Variants in IL1RAPL1 observed in about 807,000 individuals in gnomAD.
IL1RAPL1 encodes interleukin-1 receptor accessory protein-like 1.
Under a neutral mutation model 48.4 loss-of-function variants are expected in IL1RAPL1, and 3 were observed. The ratio of observed to expected loss-of-function variants is 0.06; its 90% CI spans 0.03 to 0.16. The LOEUF is 0.16. Ranked by LOEUF, IL1RAPL1 falls within the 10% of genes least tolerant of loss-of-function variation. The pLI is 1.00. For synonymous variants in IL1RAPL1, 185 were observed against 187.7 expected (o/e 0.99, Z 0.12); for missense variants, 349 against 530.6 (o/e 0.66, Z 3.36).
intron 3 of IL1RAPL1, among the ~76,000 whole-genome samples, chrX:29,335,740 TG>T (rs1260243622): frequency 8.9e-6 from 1 of 111,793 alleles, no homozygotes; most frequent in East Asian, 2.8e-4. Context: ...CTGAGGCCTT[TG>T]ACCTCTTACG....
chrX:29,464,587 T>G (rs1281639155), intron 5 of IL1RAPL1, among the ~76,000 whole-genome samples: 3 of 111,898 alleles, frequency 2.7e-5, no homozygotes, highest in African/African-American at 9.7e-5. Flanking sequence ...ACAAAGAAGT[T>G]TTAAAGGAAT....
intron 2 of IL1RAPL1, among the ~76,000 whole-genome samples, chrX:29,046,775 G>C (rs142125104): frequency 6.3e-5 from 7 of 111,826 alleles, no homozygotes; most frequent in African/African-American, 2.3e-4. Context: ...CATTGATTTC[G>C]ATTGTCCTAA....
chrX:29,906,482 T>C (rs868231902), intron 6 of IL1RAPL1, among the ~76,000 whole-genome samples: 1 of 24,502 alleles, frequency 4.1e-5, no homozygotes, highest in African/African-American at 2.5e-4. Flanking sequence ...TATATATATA[T>C]ATATATATAT....
intron 5 of IL1RAPL1, among the ~76,000 whole-genome samples, chrX:29,429,326 A>G (rs1292466476): frequency 8.9e-6 from 1 of 112,348 alleles, no homozygotes. Flanking sequence ...CCCCGAATTA[A>G]CAGCTACTGG....
At chrX:29,484,697 G>A (rs1935078811) in intron 5 of IL1RAPL1, among the ~76,000 whole-genome samples, 1 of 111,707 alleles carries the variant, frequency 9.0e-6, no homozygotes, top group Non-Finnish European at 1.9e-5. Flanking sequence ...GTAAAGACAG[G>A]TGCAAATGTC....
intron 3 of IL1RAPL1, chrX:29,369,556 T>A (rs759590906): frequency 9.0e-6 from 1 of 111,548 alleles, no homozygotes; most frequent in Admixed American, 9.5e-5. Context: ...TGCCATTACC[T>A]AGGAGGCTGG....
At chrX:29,886,080 T>C (rs920192826) in intron 6 of IL1RAPL1, among the ~76,000 whole-genome samples, 3 of 112,092 alleles carry the variant, frequency 2.7e-5, no homozygotes, top group Non-Finnish European at 5.6e-5. Context: ...CACAGAGTTC[T>C]AAATAAAATT....
At position 29,778,473 on chromosome X, in the gene IL1RAPL1, G is replaced by A. The variant is rs138216851; in HGVS notation, c.778+109969G>A. On this transcript the variant is annotated intron_variant, in intron 6 of 10. Transcript: ENST00000378993. The stretch of plus-strand genomic sequence containing the variant: ...TACAATGTTAGCTCCATGAGCGCAG[G>A]TATTGGGTACAGCTGAATCCTCCAA... Among the ~76,000 whole-genome samples the A allele has an allele frequency of 6.0e-3, 676 of 111,889 alleles. 3 individuals carry two copies. The highest frequency in any genetic ancestry group is 9.5e-3 in the Non-Finnish European group (503 of 53,078).
In IL1RAPL1 at chrX:29,906,462, TATATA is replaced by T. The variant is rs1467797734; in HGVS notation, c.779-11001_779-10997del. ...ATTTCTTTCTACATAACTTTGTAAA[TATATA>T]TATATATATATATATATATATATAT... On this transcript the variant is annotated intron_variant, in intron 6 of 10. Transcript: ENST00000378993. Among the ~76,000 whole-genome samples, 2 of 626 alleles carry T rather than the reference TATATA, an allele frequency of 3.2e-3. 1 individual carries two copies. The highest frequency in any genetic ancestry group is 4.3e-3 in the Non-Finnish European group (2 of 464). 0.5% of individuals were successfully genotyped at this position (626 alleles called of 115,157 possible).
chrX:29,210,107 G>A (rs1387265539), intron 2 of IL1RAPL1, among the ~76,000 whole-genome samples: 1 of 111,991 alleles, frequency 8.9e-6, no homozygotes, highest in Non-Finnish European at 1.9e-5. Context: ...TGTGTTTTTA[G>A]AGCTAAACAA....
chrX:28,952,214 A>C (rs1924488109), intron 2 of IL1RAPL1, among the ~76,000 whole-genome samples: 1 of 111,253 alleles, frequency 9.0e-6, no homozygotes, highest in African/African-American at 3.3e-5. Context: ...CATTTCCAAA[A>C]ATTTATATTT....
chrX:28,926,129 G>A (rs1923735884), intron 2 of IL1RAPL1, among the ~76,000 whole-genome samples: 1 of 111,545 alleles, frequency 9.0e-6, no homozygotes, highest in Non-Finnish European at 1.9e-5. Context: ...AGAAAATTTG[G>A]TTCTTCAGTC....
intron 1 of IL1RAPL1, among the ~76,000 whole-genome samples, chrX:28,721,450 T>A (rs1397146160): frequency 8.9e-6 from 1 of 112,044 alleles, no homozygotes; most frequent in Non-Finnish European, 1.9e-5. Flanking sequence ...TGTTTGTTTT[T>A]TTCTTGTAAA....
chrX:29,865,803 ATTTTTT>A (rs1161090848), intron 6 of IL1RAPL1, among the ~76,000 whole-genome samples: 1 of 86,308 alleles, frequency 1.2e-5, no homozygotes, highest in East Asian at 3.7e-4. Flanking sequence ...CGCCTGGCTA[ATTTTTT>A]TTTTTTTTTT....
At chrX:28,763,436 A>G (rs1168439077) in intron 1 of IL1RAPL1, among the ~76,000 whole-genome samples, 9 of 111,975 alleles carry the variant, frequency 8.0e-5, no homozygotes, top group Admixed American at 7.6e-4. Context: ...CTAGAATTGA[A>G]ATTATTTTAT....
At chrX:29,116,378 A>G (rs765275918) in intron 2 of IL1RAPL1, among the ~76,000 whole-genome samples, 1 of 111,306 alleles carries the variant, frequency 9.0e-6, no homozygotes, top group Admixed American at 9.6e-5. Flanking sequence ...ACTTGGTACA[A>G]TGATTTGAAC....
intron 9 of IL1RAPL1, among the ~76,000 whole-genome samples, chrX:29,948,308 CACA>C (rs1463432883): frequency 1.8e-5 from 2 of 111,192 alleles, no homozygotes; most frequent in Non-Finnish European, 3.8e-5. Context: ...TACCAAATGG[CACA>C]ACATGTGAAT....
At chrX:29,228,178 G>GCACGCA in intron 2 of IL1RAPL1, among the ~76,000 whole-genome samples, 1 of 84,389 alleles carries the variant, frequency 1.2e-5, no homozygotes, top group East Asian at 4.2e-4. Flanking sequence ...ACACACGCGT[G>GCACGCA]CACACACACA....
chrX:28,969,293 T>G (rs1291609977), intron 2 of IL1RAPL1, among the ~76,000 whole-genome samples: 4 of 111,918 alleles, frequency 3.6e-5, no homozygotes, highest in Non-Finnish European at 7.5e-5. Context: ...ATTCCAGATT[T>G]TTCTTATACC....
Sources: allele counts gnomAD v4.1 joint callset (sites outside exome capture counted in the v4.1 genomes callset), GRCh38; gene constraint gnomAD v4.1.1; transcripts MANE v1.5; gene names NCBI Gene and HGNC (gene_info 2026-07-23, HGNC 2026-07-21).